ARHGEF28: variants seen among roughly 807,000 people sequenced by gnomAD.
ARHGEF28 encodes Rho guanine nucleotide exchange factor 28, also known as 190 kDa guanine nucleotide exchange factor.
ARHGEF28 carries 152 observed loss-of-function variants against 206.6 expected under a neutral mutation model. The ratio of observed to expected loss-of-function variants is 0.74; its 90% CI spans 0.64 to 0.84. The LOEUF is 0.84. ARHGEF28 is among the 40% of genes least tolerant of loss of function. ARHGEF28 has a pLI of 0.00. For synonymous variants in ARHGEF28, 763 were observed against 776.4 expected (o/e 0.98, Z 0.29); for missense variants, 2,028 against 2,073.2 (o/e 0.98, Z 0.42).
intron 2 of ARHGEF28, among the ~76,000 whole-genome samples, chr5:73,730,519 T>C (rs1750550322): frequency 6.6e-6 from 1 of 150,416 alleles, no homozygotes; most frequent in Non-Finnish European, 1.5e-5. Flanking sequence ...GTTCAAACTG[T>C]CCACCATAAG....
At chr5:73,880,936 CA>C (rs34087626) in intron 22 of ARHGEF28, among the ~76,000 whole-genome samples, 10 of 148,250 alleles carry the variant, frequency 6.7e-5, no homozygotes, top group Non-Finnish European at 7.5e-5. Context: ...CACCCTGCCT[CA>C]AAAAAAAAAG....
At chr5:73,846,236 T>C (rs750137410) in intron 11 of ARHGEF28, 32 bp from the exon 12 acceptor site, 1 of 1,601,910 alleles carries the variant, frequency 6.2e-7, no homozygotes, top group Middle Eastern at 2.0e-4. Context: ...CCTTCCTTGC[T>C]TCTTTACTTA....
chr5:73,765,984 C>G lies in ARHGEF28; in HGVS notation c.476-7871C>G, dbSNP rs180876738. Among the ~76,000 whole-genome samples the G allele has an allele frequency of 5.4e-3, 822 of 152,152 alleles. 8 individuals are homozygous for G. Among genetic ancestry groups the G allele is most frequent in the African/African-American group, 0.015 (624 of 41,528 alleles). ...TGGCTAACATGGTGAAACCCCGTCT[C>G]TACTAAAAATACAAAAAATTAGCCA... On this transcript the variant is annotated intron_variant, in intron 4 of 35. Coordinates refer to ENST00000513042, the MANE Select transcript of ARHGEF28 (RefSeq NM_001177693.2).
chr5:73,804,632 AG>A (rs1205421145), intron 9 of ARHGEF28, among the ~76,000 whole-genome samples: 1 of 152,186 alleles, frequency 6.6e-6, no homozygotes, highest in Admixed American at 6.5e-5. Context: ...GGATCCCATT[AG>A]GATCAAGCTG....
Position 73,840,539 on chromosome 5 carries a change from T to C in ARHGEF28, c.1206T>C (p.Pro402=). Residue 402 remains proline (P), a synonymous_variant, in exon 11 of 36, where the codon CCT becomes CCC. Transcript: ENST00000513042. ...NIEGITATTS[P]ESRGCTLWPQ... ...AGGGAATCACTGCCACTACCAGCCCTGAATCCAGAGGTTGCACTCTGTGGC... is the reference window on the plus strand; with the variant it reads ...AGGGAATCACTGCCACTACCAGCCCCGAATCCAGAGGTTGCACTCTGTGGC... The C allele has an allele frequency of 6.2e-7, 1 of 1,613,964 alleles. No homozygotes were observed.
chr5:73,916,895 G>T (rs577332252), intron 35 of ARHGEF28, among the ~76,000 whole-genome samples: 54 of 152,178 alleles, frequency 3.5e-4, no homozygotes, highest in Admixed American at 1.7e-3. Flanking sequence ...ACTTTGTAAA[G>T]AAAATAATAA....
chr5:73,683,625 A>C (rs553086136), intron 1 of ARHGEF28, among the ~76,000 whole-genome samples: 4 of 151,474 alleles, frequency 2.6e-5, no homozygotes. Flanking sequence ...TTAAAGGGGC[A>C]GGCACACCGA....
chr5:73,742,846 A>AG (rs1285687814), intron 2 of ARHGEF28, among the ~76,000 whole-genome samples: 1 of 151,676 alleles, frequency 6.6e-6, no homozygotes, highest in African/African-American at 2.4e-5. Context: ...AAAAAAAAAA[A>AG]AAAAAGTACT....
At chr5:73,800,948 G>A (rs1755092064) in intron 9 of ARHGEF28, among the ~76,000 whole-genome samples, 1 of 152,216 alleles carries the variant, frequency 6.6e-6, no homozygotes, top group African/African-American at 2.4e-5. Context: ...CATACTGGGA[G>A]AGTGCAGGCC....
At chr5:73,800,554 G>T (rs1755069452) in intron 9 of ARHGEF28, among the ~76,000 whole-genome samples, 4 of 152,134 alleles carry the variant, frequency 2.6e-5, no homozygotes, top group Non-Finnish European at 5.9e-5. Context: ...TTTGGTGGGT[G>T]TTGGGACTGG....
chr5:73,725,913 T>C (rs1157223829), intron 2 of ARHGEF28, among the ~76,000 whole-genome samples: 1 of 152,208 alleles, frequency 6.6e-6, no homozygotes, highest in Non-Finnish European at 1.5e-5. Context: ...GTATCAACCC[T>C]TTATTCTTTC....
intron 18 of ARHGEF28, among the ~76,000 whole-genome samples, chr5:73,866,878 G>A (rs1054643473): frequency 6.6e-6 from 1 of 152,144 alleles, no homozygotes; most frequent in Admixed American, 6.5e-5. Flanking sequence ...TCATTTCCAT[G>A]TAACAAAGTG....
chr5:73,791,401 C>A (rs1754476311), intron 7 of ARHGEF28, among the ~76,000 whole-genome samples: 1 of 152,188 alleles, frequency 6.6e-6, no homozygotes, highest in African/African-American at 2.4e-5. Context: ...AGAGCATGAT[C>A]CTGGTTTTCC....
chr5:73,867,727 G>A (rs1759798355), intron 18 of ARHGEF28, 149 bp from the exon 19 acceptor site: 8 of 1,062,298 alleles, frequency 7.5e-6, no homozygotes, highest in Admixed American at 5.0e-5. Flanking sequence ...GCAAGTGTCA[G>A]GATCTAGCAG....
rs1038692023 is a variant in ARHGEF28 at position 73,655,688 on chromosome 5, C to T, written c.-11-29153C>T. Among the ~76,000 whole-genome samples, 3 of 152,148 alleles carry T rather than the reference C, an allele frequency of 2.0e-5. No homozygotes were observed. In the South Asian group the frequency reaches 6.2e-4, roughly 32 times the overall value. On this transcript the variant is annotated intron_variant, in intron 1 of 35. Transcript: ENST00000513042. ...ATTTACACATTGAGAAACCAAGTCACGAGGCACAGCAGGGTTGGGCTGGTC... is the reference window on the plus strand; with the variant it reads ...ATTTACACATTGAGAAACCAAGTCATGAGGCACAGCAGGGTTGGGCTGGTC...
intron 1 of ARHGEF28, among the ~76,000 whole-genome samples, chr5:73,635,797 C>G (rs1743676586): frequency 6.6e-6 from 1 of 152,108 alleles, no homozygotes; most frequent in Non-Finnish European, 1.5e-5. Flanking sequence ...TATCACAGCC[C>G]CTAGAGATGT....
At chr5:73,702,041 C>T (rs540977300) in intron 2 of ARHGEF28, among the ~76,000 whole-genome samples, 18 of 152,210 alleles carry the variant, frequency 1.2e-4, no homozygotes, top group South Asian at 1.0e-3. Flanking sequence ...ATTGCTGGGT[C>T]GTATAGTAAG....
chr5:73,716,415 G>A (rs1256641043), intron 2 of ARHGEF28, among the ~76,000 whole-genome samples: 1 of 152,164 alleles, frequency 6.6e-6, no homozygotes, highest in Non-Finnish European at 1.5e-5. Flanking sequence ...CCTGGATTTT[G>A]CTTATGTTTG....
chr5:73,784,711 C>T (rs1463770102), intron 7 of ARHGEF28, among the ~76,000 whole-genome samples: 1 of 152,178 alleles, frequency 6.6e-6, no homozygotes, highest in Non-Finnish European at 1.5e-5. Flanking sequence ...CTGGATAACA[C>T]TGAACCTTAT....
Sources: allele counts gnomAD v4.1 joint callset (sites outside exome capture counted in the v4.1 genomes callset), GRCh38; gene constraint gnomAD v4.1.1; transcripts MANE v1.5; gene names NCBI Gene and HGNC (gene_info 2026-07-23, HGNC 2026-07-21).